Variants in SBNO2 observed in about 807,000 individuals in gnomAD.
The protein encoded by SBNO2 is protein strawberry notch homolog 2.
In SBNO2, 89 loss-of-function variants were observed where a neutral mutation model predicts 146.3. The ratio of observed to expected loss-of-function variants is 0.61; its 90% CI spans 0.51 to 0.73. The LOEUF is 0.73. Among genes scored for constraint, SBNO2 ranks in the 30% least tolerant of loss-of-function variants. SBNO2 has a pLI of 0.00. For synonymous variants in SBNO2, 1,147 were observed against 892.6 expected, an observed-to-expected ratio of 1.29 and a Z score of -5.08; for missense variants, 2,092 against 2,003.7, an observed-to-expected ratio of 1.04 and a Z score of -0.84.
chr19:1,139,215 C>T (rs1012989894), intron 4 of SBNO2, among the ~76,000 whole-genome samples: 2 of 152,204 alleles, frequency 1.3e-5, no homozygotes, highest in African/African-American at 4.8e-5. Flanking sequence ...GAGGACATCA[C>T]ACTCAGTGAG....
chr19:1,131,615 C>T (rs1352149896), intron 4 of SBNO2, among the ~76,000 whole-genome samples: 1 of 152,194 alleles, frequency 6.6e-6, no homozygotes, highest in Non-Finnish European at 1.5e-5. Context: ...GCCACCAGAG[C>T]CAGCCCTGAC....
At chr19:1,146,981 G>A (rs1159984895) in intron 4 of SBNO2, among the ~76,000 whole-genome samples, 1 of 152,156 alleles carries the variant, frequency 6.6e-6, no homozygotes, top group Non-Finnish European at 1.5e-5. Context: ...CTAGAGGGAG[G>A]GCCGTGGGGG....
At chr19:1,128,400 T>C in intron 4 of SBNO2, 1 of 284,172 alleles carries the variant, frequency 3.5e-6, no homozygotes, top group Non-Finnish European at 6.9e-6. Context: ...TCATTTCATT[T>C]TTTTTTTTTT....
At chr19:1,139,507 A>G (rs977855094) in intron 4 of SBNO2, among the ~76,000 whole-genome samples, 2 of 152,130 alleles carry the variant, frequency 1.3e-5, no homozygotes, top group African/African-American at 2.4e-5. Flanking sequence ...CACGTGACAG[A>G]AAAGGGGCGG....
chr19:1,129,873 G>T (rs910423769), intron 4 of SBNO2, among the ~76,000 whole-genome samples: 1 of 152,176 alleles, frequency 6.6e-6, no homozygotes, highest in Non-Finnish European at 1.5e-5. Context: ...GTGGACAGAG[G>T]GAAGGGACCT....
chr19:1,113,953 G>A (rs1000174738), intron 18 of SBNO2, among the ~76,000 whole-genome samples: 4 of 152,208 alleles, frequency 2.6e-5, no homozygotes, highest in African/African-American at 9.6e-5. Context: ...CTCCACAGGG[G>A]TAGGGACTGC....
Position 1,113,532 on chromosome 19 carries a change from C to T in SBNO2, c.2247+3G>A, listed in dbSNP as rs1054669446. ...CACACTCCAGCTGCCACGTCCCACC[C>T]ACCTCCGCCACCCGCTGGGGGCCGC... On this transcript the variant is annotated splice_donor_region_variant and intron_variant, in intron 19 of 31. Coordinates refer to ENST00000361757, the MANE Select transcript of SBNO2 (RefSeq NM_014963.3). The T allele has an allele frequency of 3.1e-6, 5 of 1,591,666 alleles. No homozygotes were observed. The highest frequency in any genetic ancestry group is 1.1e-5 in the South Asian group (1 of 89,258).
chr19:1,151,300 G>A (rs1599869356), intron 2 of SBNO2, among the ~76,000 whole-genome samples: 1 of 152,244 alleles, frequency 6.6e-6, no homozygotes, highest in Non-Finnish European at 1.5e-5. Context: ...TGCAGGAAGG[G>A]GGCGGGGGGC....
rs761379689 is a variant in SBNO2, at chr19:1,119,579, C to A, written c.1310G>T (p.Gly437Val). 1 of 1,611,600 alleles carries A rather than the reference C, an allele frequency of 6.2e-7. No individual in the cohort carries two copies. The highest frequency in any genetic ancestry group is 8.5e-7 in the Non-Finnish European group (1 of 1,179,120). The change falls in exon 13 of 32, where the codon GGT becomes GTT. Residue 437 changes from glycine to valine, a missense_variant. Coordinates refer to ENST00000361757, the MANE Select transcript of SBNO2 (RefSeq NM_014963.3). ...GAAGGGTGTGCCCTCGCCCCAGATA[C>A]CCAAGCGGCTCATGTAGATCATGTT... ...PRNMIYMSRL[G>V]IWGEGTPFRN...
At chr19:1,147,442 G>GA in intron 3 of SBNO2, 22 bp from the exon 4 acceptor site, 1 of 1,125,968 alleles carries the variant, frequency 8.9e-7, no homozygotes, top group Non-Finnish European at 1.3e-6. Flanking sequence ...TGGGGGGGGG[G>GA]GAGGTGAGAT....
chr19:1,112,655 A>C lies in SBNO2; in HGVS notation c.2380-118T>G. On this transcript the variant is annotated intron_variant, in intron 20 of 31. Coordinates refer to ENST00000361757, the MANE Select transcript of SBNO2 (RefSeq NM_014963.3). The surrounding 1 kb of genome is among the most constrained non-coding windows in gnomAD (Gnocchi z 5.9). Reference sequence around the variant, plus strand: ...CACCAGGACGTCCCGGGGCAGCGAGAGGCCTGCGGGGCGCGGACACCACCC... The same window carrying C: ...CACCAGGACGTCCCGGGGCAGCGAGCGGCCTGCGGGGCGCGGACACCACCC... 1 of 1,444,886 alleles carries C rather than the reference A, an allele frequency of 6.9e-7. No individual in the cohort carries two copies. The highest frequency in any genetic ancestry group is 9.1e-7 in the Non-Finnish European group (1 of 1,096,078). The allele number at this position is 1,444,886 out of a possible 1,614,324, so 89.5% of individuals were successfully genotyped here.
chr19:1,156,458 A>G (rs79619434), intron 1 of SBNO2, among the ~76,000 whole-genome samples: 9,056 of 152,056 alleles, frequency 0.06, 434 homozygotes, highest in East Asian at 0.25. Flanking sequence ...ATCCTCACAC[A>G]CGGCTGCTTG....
Position 1,122,704 on chromosome 19 carries a change from C to T in SBNO2, c.868G>A (p.Gly290Arg), listed in dbSNP as rs1265331448. Residue 290 changes from glycine to arginine, a missense_variant, in exon 9 of 32, where the codon GGA becomes AGA. By Grantham distance (125) the Gly-to-Arg change is moderately radical. Transcript: ENST00000361757. ...CGCAGGTGGTTCTCCAGGATGACTCCGGCCACCGTCCGGCCTTTGCCCACG... is the reference window on the plus strand; with the variant it reads ...CGCAGGTGGTTCTCCAGGATGACTCTGGCCACCGTCCGGCCTTTGCCCACG... ...AGVGKGRTVA[G>R]VILENHLRGR... The T allele has an allele frequency of 2.6e-6, 4 of 1,536,476 alleles. No homozygotes were observed. Among genetic ancestry groups the T allele is most frequent in the Non-Finnish European group, 3.5e-6 (4 of 1,146,428 alleles).
chr19:1,172,692 C>T (rs1304937234), intron 1 of SBNO2, among the ~76,000 whole-genome samples: 2 of 151,304 alleles, frequency 1.3e-5, no homozygotes, highest in Non-Finnish European at 2.9e-5. Context: ...CCCACGGGGT[C>T]TGCGGCCCTG....
At chr19:1,111,139 C>G in intron 24 of SBNO2, 46 bp from the exon 25 acceptor site, 1 of 1,526,170 alleles carries the variant, frequency 6.6e-7, no homozygotes, top group Non-Finnish European at 8.8e-7. Context: ...ACCCCTGCCC[C>G]TCCCTCGAAG....
chr19:1,147,654 C>A (rs530256806), intron 3 of SBNO2, among the ~76,000 whole-genome samples: 9 of 152,102 alleles, frequency 5.9e-5, no homozygotes, highest in Middle Eastern at 6.8e-3. Context: ...AGAGCTCCTA[C>A]GGAACAGCCG....
chr19:1,112,807 C>T lies in SBNO2; in HGVS notation c.2379+11G>A. ...CCCGTGGGCCGCGCCCAGTGCACTG[C>T]AGCCCCGCACCTTCTCGCCGCTCAT... On this transcript the variant is annotated intron_variant, in intron 20 of 31. Transcript: ENST00000361757. This position sits in a 1 kb window ranked among gnomAD's most constrained non-coding sequence, Gnocchi z 5.9. 6.4e-7 allele frequency: 1 copy of T among 1,562,444 alleles called. No homozygotes were observed. The highest frequency in any genetic ancestry group is 8.7e-7 in the Non-Finnish European group (1 of 1,155,438).
chr19:1,162,318 G>A (rs2080356039), intron 1 of SBNO2, among the ~76,000 whole-genome samples: 1 of 149,388 alleles, frequency 6.7e-6, no homozygotes, highest in Non-Finnish European at 1.5e-5. Context: ...AAATTATCCA[G>A]GCGTGGTGGC....
chr19:1,162,048 G>A (rs1174842627), intron 1 of SBNO2, among the ~76,000 whole-genome samples: 5 of 150,996 alleles, frequency 3.3e-5, no homozygotes, highest in Non-Finnish European at 5.9e-5. Context: ...CTTTGCAGGC[G>A]CCCTCCTGGC....
Sources: allele counts gnomAD v4.1 joint callset (sites outside exome capture counted in the v4.1 genomes callset), GRCh38; gene constraint gnomAD v4.1.1; non-coding constraint Gnocchi (gnomAD v3.1); transcripts MANE v1.5; gene names NCBI Gene and HGNC (gene_info 2026-07-23, HGNC 2026-07-21).